Variants in CSMD1 observed in about 807,000 individuals in gnomAD.
CSMD1 encodes CUB and Sushi multiple domains 1, also known as CUB and sushi domain-containing protein 1.
A neutral mutation model predicts 417.5 loss-of-function variants in CSMD1; 213 were observed. The ratio of observed to expected loss-of-function variants is 0.51; its 90% CI spans 0.46 to 0.57. CSMD1 has a LOEUF of 0.57. CSMD1 is among the 20% of genes least tolerant of loss of function. CSMD1 has a pLI of 0.00. For synonymous variants in CSMD1, 2,862 were observed against 1,736.8 expected, an observed-to-expected ratio of 1.65 and a Z score of -16.11; for missense variants, 6,923 against 4,529.7, an observed-to-expected ratio of 1.53 and a Z score of -15.17.
intron 7 of CSMD1, among the ~76,000 whole-genome samples, chr8:3,667,782 G>A (rs572581545): frequency 8.5e-5 from 13 of 152,248 alleles, no homozygotes; most frequent in South Asian, 2.1e-4. Context: ...AGTGTCTTGC[G>A]GAAAATCATG....
At chr8:4,184,723 G>C (rs572687055) in intron 3 of CSMD1, among the ~76,000 whole-genome samples, 1 of 152,070 alleles carries the variant, frequency 6.6e-6, no homozygotes, top group Non-Finnish European at 1.5e-5. Context: ...GGAGGGGACC[G>C]TGAAAAATAA....
At chr8:4,806,190 C>T (rs892405054) in intron 1 of CSMD1, among the ~76,000 whole-genome samples, 1 of 152,182 alleles carries the variant, frequency 6.6e-6, no homozygotes, top group African/African-American at 2.4e-5. Flanking sequence ...GACAGCCACA[C>T]TCTAGACAAC....
intron 12 of CSMD1, among the ~76,000 whole-genome samples, chr8:3,466,153 T>C (rs1457953704): frequency 1.3e-5 from 2 of 152,114 alleles, no homozygotes; most frequent in Non-Finnish European, 2.9e-5. Flanking sequence ...CCTTACATGT[T>C]TTACTCAGTT....
chr8:4,601,224 G>T (rs1018100533), intron 2 of CSMD1, among the ~76,000 whole-genome samples: 2 of 152,098 alleles, frequency 1.3e-5, no homozygotes, highest in South Asian at 2.1e-4. Context: ...CCAAAGTGCC[G>T]GGATTACAGG....
At chr8:3,965,128 T>A (rs1046174169) in intron 5 of CSMD1, among the ~76,000 whole-genome samples, 1 of 152,158 alleles carries the variant, frequency 6.6e-6, no homozygotes, top group Non-Finnish European at 1.5e-5. Flanking sequence ...TTATTGTAAT[T>A]GTGTTATTAA....
intron 3 of CSMD1, among the ~76,000 whole-genome samples, chr8:4,103,180 G>T (rs555323668): frequency 1.5e-3 from 229 of 152,006 alleles, no homozygotes; most frequent in African/African-American, 5.4e-3. Flanking sequence ...CACAAAACCA[G>T]TAACAGCAAC....
At chr8:3,401,050 T>C (rs1372375686) in intron 15 of CSMD1, among the ~76,000 whole-genome samples, 2 of 151,814 alleles carry the variant, frequency 1.3e-5, no homozygotes, top group Non-Finnish European at 2.9e-5. Context: ...TACATAATTA[T>C]ATGTAATTCA....
intron 52 of CSMD1, among the ~76,000 whole-genome samples, chr8:3,006,388 C>T (rs1246429024): frequency 1.3e-5 from 2 of 149,158 alleles, no homozygotes; most frequent in African/African-American, 2.5e-5. Context: ...CATCAAGCTA[C>T]CAATGACTTT....
intron 1 of CSMD1, among the ~76,000 whole-genome samples, chr8:4,730,084 C>T (rs955625728): frequency 6.6e-6 from 1 of 152,088 alleles, no homozygotes; most frequent in Admixed American, 6.6e-5. Context: ...AATTGTATGA[C>T]ATCTTTATTA....
chr8:4,325,324 G>C (rs1387559771), intron 3 of CSMD1, among the ~76,000 whole-genome samples: 3 of 152,116 alleles, frequency 2.0e-5, no homozygotes, highest in East Asian at 3.9e-4. Context: ...GAAACCAGTA[G>C]TTGGAGGTGG....
intron 3 of CSMD1, among the ~76,000 whole-genome samples, chr8:4,064,431 G>T (rs139089404): frequency 3.7e-4 from 56 of 152,308 alleles, no homozygotes; most frequent in African/African-American, 1.3e-3. Context: ...GCTTCTGCGG[G>T]CTTTGCCCAA....
intron 3 of CSMD1, among the ~76,000 whole-genome samples, chr8:4,375,581 C>G (rs915802666): frequency 2.0e-5 from 3 of 152,104 alleles, no homozygotes; most frequent in African/African-American, 7.2e-5. Context: ...CAACTGAAGA[C>G]TCCTACTGAG....
chr8:3,310,955 C>CTG (rs1489892753), intron 23 of CSMD1, among the ~76,000 whole-genome samples: 1 of 152,170 alleles, frequency 6.6e-6, no homozygotes, highest in African/African-American at 2.4e-5. Context: ...TGAAACACAT[C>CTG]TGCTGGGGAT....
At chr8:4,503,297 G>C (rs1284312990) in intron 2 of CSMD1, among the ~76,000 whole-genome samples, 1 of 152,080 alleles carries the variant, frequency 6.6e-6, no homozygotes, top group Non-Finnish European at 1.5e-5. Flanking sequence ...AGGTGTTGAA[G>C]TATTTGCTGT....
chr8:4,352,678 AC>A (rs1440804753), intron 3 of CSMD1, among the ~76,000 whole-genome samples: 1 of 152,216 alleles, frequency 6.6e-6, no homozygotes, highest in Non-Finnish European at 1.5e-5. Context: ...ATTTATAAAA[AC>A]GTATGCATTT....
At chr8:3,151,045 G>C (rs1585487877) in intron 40 of CSMD1, among the ~76,000 whole-genome samples, 1 of 152,012 alleles carries the variant, frequency 6.6e-6, no homozygotes, top group East Asian at 1.9e-4. Flanking sequence ...GAATTATCCA[G>C]AAGAAACAAT....
chr8:4,601,934 GC>G (rs1430864411), intron 2 of CSMD1, among the ~76,000 whole-genome samples: 1 of 152,116 alleles, frequency 6.6e-6, no homozygotes, highest in African/African-American at 2.4e-5. Context: ...TCCTTGTGAA[GC>G]TTATACACAG....
intron 5 of CSMD1, among the ~76,000 whole-genome samples, chr8:3,861,266 G>A (rs1264793338): frequency 1.3e-5 from 2 of 152,260 alleles, no homozygotes; most frequent in East Asian, 3.9e-4. Flanking sequence ...CTATGTACCT[G>A]CACTTGAGAA....
chr8:4,371,113 T>C (rs1032110520), intron 3 of CSMD1, among the ~76,000 whole-genome samples: 2 of 152,208 alleles, frequency 1.3e-5, no homozygotes, highest in African/African-American at 4.8e-5. Context: ...TTATGGTCTT[T>C]ATTGCCCTTG....
Sources: gnomAD v4.1 joint callset for allele counts (sites outside exome capture counted in the v4.1 genomes callset) on GRCh38, gnomAD v4.1.1 for gene constraint, MANE v1.5 for transcripts, NCBI Gene and HGNC (gene_info 2026-07-23, HGNC 2026-07-21) for gene names.